The following DOCK7 variants were observed in gnomAD, a reference collection of about 807,000 sequenced individuals.
DOCK7 encodes dedicator of cytokinesis 7, also known as dedicator of cytokinesis protein 7.
Under a neutral mutation model 271.0 loss-of-function variants are expected in DOCK7, and 138 were observed. The ratio of observed to expected loss-of-function variants is 0.51; its 90% confidence interval spans 0.44 to 0.59. The LOEUF (loss-of-function observed/expected upper bound fraction) is 0.59, where lower values mean the gene tolerates loss of function less well. Among genes scored for constraint, DOCK7 ranks in the 20% least tolerant of loss-of-function variants. The pLI is 0.00. For missense variants in DOCK7, 2,066 were observed against 2,592.4 expected (o/e 0.80, Z 4.41); for synonymous variants, 823 against 876.1 (o/e 0.94, Z 1.07).
intron 7 of DOCK7, among the ~76,000 whole-genome samples, chr1:62,638,836 T>C (rs139033383): frequency 3.0e-4 from 45 of 151,748 alleles, no homozygotes; most frequent in Middle Eastern, 3.4e-3. Context: ...ATTGAAAGGA[T>C]TACCCTTTCC....
At chr1:62,574,739 T>C (rs1646892022) in intron 18 of DOCK7, among the ~76,000 whole-genome samples, 1 of 152,236 alleles carries the variant, frequency 6.6e-6, no homozygotes, top group Middle Eastern at 3.4e-3. Context: ...TTTTCTTTTT[T>C]TTATATTGAG....
chr1:62,602,201 TA>T (rs1476458219), intron 14 of DOCK7: 9 of 1,130,210 alleles, frequency 8.0e-6, no homozygotes, highest in Non-Finnish European at 1.2e-5. Flanking sequence ...AACCACCAAT[TA>T]AAATCAAACA....
chr1:62,556,214 T>C (rs925397404), intron 20 of DOCK7, among the ~76,000 whole-genome samples: 2 of 152,050 alleles, frequency 1.3e-5, no homozygotes, highest in South Asian at 4.1e-4. Flanking sequence ...TAATTTAAGA[T>C]GAAAATTATA....
At chr1:62,469,037 C>T (rs988384511) in intron 48 of DOCK7, among the ~76,000 whole-genome samples, 4 of 152,136 alleles carry the variant, frequency 2.6e-5, no homozygotes, top group African/African-American at 7.2e-5. Flanking sequence ...CATCAAAATA[C>T]CACCATCATT....
intron 14 of DOCK7, chr1:62,607,879 C>G (rs1261521554): frequency 6.6e-6 from 1 of 152,000 alleles, no homozygotes; most frequent in Non-Finnish European, 1.5e-5. Context: ...CCCAGGAGTC[C>G]AAGATCAGCC....
intron 20 of DOCK7, among the ~76,000 whole-genome samples, chr1:62,556,290 A>G (rs1646139431): frequency 6.6e-6 from 1 of 152,190 alleles, no homozygotes; most frequent in Non-Finnish European, 1.5e-5. Context: ...AACAATACAA[A>G]GTACATAAGA....
In DOCK7 at chr1:62,648,093, C is replaced by T. The variant is rs1403762016; in HGVS notation, c.732+13G>A. On this transcript the variant is annotated intron_variant, in intron 6 of 49. Coordinates refer to ENST00000635253, the MANE Select transcript of DOCK7 (RefSeq NM_001367561.1). The stretch of plus-strand genomic sequence containing the variant: ...TAATAATCATTTGCTTCTTTATATG[C>T]AAACATCTATACCTCATCTGGTGAT... The T allele has an allele frequency of 1.2e-6, 2 of 1,606,978 alleles. No homozygotes were observed. The highest frequency in any genetic ancestry group is 1.7e-5 in the Admixed American group (1 of 59,782).
intron 18 of DOCK7, among the ~76,000 whole-genome samples, chr1:62,567,342 A>G (rs1646553040): frequency 2.0e-5 from 3 of 152,218 alleles, no homozygotes; most frequent in Non-Finnish European, 4.4e-5. Flanking sequence ...TGTGGCACAT[A>G]TACACCATGG....
Position 62,653,711 on chromosome 1 carries a change from A to T in DOCK7, c.389+14T>A. 2 of 1,476,514 alleles carry T rather than the reference A, an allele frequency of 1.4e-6. No homozygotes were observed. The highest frequency in any genetic ancestry group is 1.9e-6 in the Non-Finnish European group (2 of 1,056,192). The allele number at this position is 1,476,514 out of a possible 1,614,324, so 91.5% of individuals were successfully genotyped here. A position where few individuals can be genotyped will look rare whatever the true frequency, so the allele number is the denominator to read the frequency against. On this transcript the variant is annotated intron_variant, in intron 4 of 49. Coordinates refer to ENST00000635253, the MANE Select transcript of DOCK7 (RefSeq NM_001367561.1). Reference sequence around the variant, plus strand: ...CTCAATATTTGTAAATGTTGTAATAAACATATAACTTACTTTCTGATGACA... The same window carrying T: ...CTCAATATTTGTAAATGTTGTAATATACATATAACTTACTTTCTGATGACA...
chr1:62,485,774 A>G (rs1646274257), intron 43 of DOCK7: 1 of 873,368 alleles, frequency 1.1e-6, no homozygotes, highest in African/African-American at 1.8e-5. Flanking sequence ...AGCAAATGGT[A>G]GAAAACACAT....
intron 1 of DOCK7, among the ~76,000 whole-genome samples, chr1:62,675,502 G>A (rs1228689372): frequency 6.6e-6 from 1 of 152,154 alleles, no homozygotes; most frequent in Non-Finnish European, 1.5e-5. Context: ...TCACTAGTTG[G>A]CCAGACGCGA....
chr1:62,578,974 C>CAAAAAAAAAAAAAAAAAAA lies in DOCK7; in HGVS notation c.1872-9_1872-8insTTTTTTTTTTTTTTTTTTT. On this transcript the variant is annotated splice_polypyrimidine_tract_variant and intron_variant, in intron 16 of 49. Coordinates refer to ENST00000635253, the MANE Select transcript of DOCK7 (RefSeq NM_001367561.1). The stretch of plus-strand genomic sequence containing the variant: ...TCATGAAAATCAGGAGACCTTCATA[C>CAAAAAAAAAAAAAAAAAAA]AAAAAAAAAAAAAAATCAACAGTCA... 7.9e-7 allele frequency: 1 copy of CAAAAAAAAAAAAAAAAAAA among 1,273,752 alleles called. No homozygotes were observed. The highest frequency in any genetic ancestry group is 1.0e-6 in the Non-Finnish European group (1 of 992,780). 78.9% of individuals were successfully genotyped at this position (1,273,752 alleles called of 1,614,324 possible). A position where few individuals can be genotyped will look rare whatever the true frequency, so the allele number is the denominator to read the frequency against.
chr1:62,655,465 T>C (rs1021373209), intron 2 of DOCK7, among the ~76,000 whole-genome samples: 1 of 151,074 alleles, frequency 6.6e-6, no homozygotes, highest in African/African-American at 2.4e-5. Context: ...TCCTCTGTCA[T>C]TCAGGCTAGA....
At chr1:62,540,072 T>TA (rs1249887145) in intron 25 of DOCK7, among the ~76,000 whole-genome samples, 180 bp from the exon 26 acceptor site, 1 of 151,136 alleles carries the variant, frequency 6.6e-6, no homozygotes, top group African/African-American at 2.4e-5. Flanking sequence ...TAAAATAAAA[T>TA]AAAAAAACCA....
At chr1:62,496,167 AG>A (rs1320109203) in intron 38 of DOCK7, among the ~76,000 whole-genome samples, 171 bp downstream of exon 38, 1 of 152,192 alleles carries the variant, frequency 6.6e-6, no homozygotes, top group Non-Finnish European at 1.5e-5. Context: ...TCCAAAAAGA[AG>A]GGTAGCTTAA....
At chr1:62,584,881 G>A in intron 15 of DOCK7, 1 of 715,260 alleles carries the variant, frequency 1.4e-6, no homozygotes, top group Admixed American at 2.0e-5. Context: ...CTGGGGCTCT[G>A]TAGAGGAGGC....
At chr1:62,505,867 TA>T in intron 35 of DOCK7, 51 bp from the exon 36 acceptor site, 1 of 1,576,598 alleles carries the variant, frequency 6.3e-7, no homozygotes. Context: ...GCAATTTAGT[TA>T]TGGATGTTAC....
In DOCK7 at chr1:62,600,855, T is replaced by C. The variant is rs184325821; in HGVS notation, c.1683-14231A>G. Among the ~76,000 whole-genome samples the C allele has an allele frequency of 1.8e-4, 28 of 151,952 alleles. No homozygotes were observed. In the East Asian group the frequency reaches 5.0e-3, roughly 27 times the overall value. The stretch of plus-strand genomic sequence containing the variant: ...GCTCTGTTTTCCGACCAATGTCTGC[T>C]TTTTTGCCTTGCTTTATTTTTTTAT... On this transcript the variant is annotated intron_variant, in intron 14 of 49. Coordinates refer to ENST00000635253, the MANE Select transcript of DOCK7 (RefSeq NM_001367561.1).
At chr1:62,664,663 A>T (rs1168105) in intron 1 of DOCK7, among the ~76,000 whole-genome samples, 148,665 of 152,248 alleles carry the variant, frequency 0.98, 72,686 homozygotes, top group Middle Eastern at 1. Flanking sequence ...ACCATACTAA[A>T]GCAAGATGCT....
Sources: allele counts gnomAD v4.1 joint callset (sites outside exome capture counted in the v4.1 genomes callset), GRCh38; gene constraint gnomAD v4.1.1; transcripts MANE v1.5; gene names NCBI Gene and HGNC (gene_info 2026-07-23, HGNC 2026-07-21).